Variants in CLSPN observed in about 807,000 individuals in gnomAD.
CLSPN encodes claspin homolog.
A neutral mutation model predicts 156.3 loss-of-function variants in CLSPN; 85 were observed. The ratio of observed to expected loss-of-function variants is 0.54; its 90% CI spans 0.46 to 0.65. The LOEUF (loss-of-function observed/expected upper bound fraction) is 0.65, where lower values mean the gene tolerates loss of function less well. CLSPN is among the 30% of genes least tolerant of loss of function. The pLI, the probability that CLSPN is intolerant of heterozygous loss-of-function variation, is 0.00. For synonymous variants in CLSPN, 534 were observed against 542.4 expected, an observed-to-expected ratio of 0.98 and a Z score of 0.22; for missense variants, 1,407 against 1,554.9, an observed-to-expected ratio of 0.90 and a Z score of 1.60.
At chr1:35,760,961 T>G (rs769590472) in intron 7 of CLSPN, 45 bp from the exon 8 acceptor site, 5 of 1,492,404 alleles carry the variant, frequency 3.4e-6, no homozygotes, top group Non-Finnish European at 4.6e-6. Context: ...ATCCTAAATG[T>G]GAAACATTCT....
At chr1:35,748,373 G>C in intron 13 of CLSPN, 32 bp downstream of exon 13, 1 of 1,585,768 alleles carries the variant, frequency 6.3e-7, no homozygotes, top group South Asian at 1.1e-5. Context: ...AGCAAAGAGA[G>C]GAGGAGATTA....
chr1:35,739,254 T>C lies in CLSPN; in HGVS notation c.3312A>G (p.Lys1104=), dbSNP rs756050912. 3 of 1,614,198 alleles carry C rather than the reference T, an allele frequency of 1.9e-6. No homozygotes were observed. The Admixed American group carries it at 5.0e-5, about 27-fold the overall frequency. The part of the protein sequence containing the change: ...LQSQIKKIHM[K]TMLDDDKRQL... ...GTCGCTTATCATCATCCAACATAGT[T>C]TTCCTGCAACAGGAGAAATAAGGTG... The change falls in exon 20 of 25, where the codon AAA becomes AAG. Residue 1104 remains lysine, a synonymous_variant. Coordinates refer to ENST00000318121, the MANE Select transcript of CLSPN (RefSeq NM_022111.4).
chr1:35,748,036 G>A lies in CLSPN; in HGVS notation c.2498C>T (p.Ser833Leu), dbSNP rs1453701522. ...SKSSGKLSEP[S>L]LPIEDSQDLY... ...ATCCTGGGAATCCTCTATGGGAAGTGAAGGCTCAGACAGTTTCCCTGAACT... is the reference window on the plus strand; with the variant it reads ...ATCCTGGGAATCCTCTATGGGAAGTAAAGGCTCAGACAGTTTCCCTGAACT... The change falls in exon 14 of 25, where the codon TCA becomes TTA. Residue 833 changes from serine to leucine, a missense_variant. Ser to Leu is a moderately radical substitution (Grantham distance 145). Around this residue, in one of 3 missense-constraint regions of CLSPN, gnomAD observed 1,096 missense variants for 1,193.0 expected, o/e 0.92. Transcript: ENST00000318121. 2 of 1,613,300 alleles carry A rather than the reference G, an allele frequency of 1.2e-6. No homozygotes were observed. The highest frequency in any genetic ancestry group is 2.7e-5 in the African/African-American group (2 of 74,880).
chr1:35,755,093 T>C (rs538442458), intron 8 of CLSPN, among the ~76,000 whole-genome samples: 43 of 152,170 alleles, frequency 2.8e-4, no homozygotes, highest in Non-Finnish European at 3.8e-4. Flanking sequence ...TTCTCGTCCA[T>C]GATAAAATGG....
chr1:35,734,642 T>A lies in CLSPN; in HGVS notation c.*1854A>T. 1 of 569,754 alleles carries A rather than the reference T, an allele frequency of 1.8e-6. No homozygotes were observed. The highest frequency in any genetic ancestry group is 2.2e-6 in the Non-Finnish European group (1 of 456,960). 35.3% of individuals were successfully genotyped at this position (569,754 alleles called of 1,614,324 possible). A position where few individuals can be genotyped will look rare whatever the true frequency, so the allele number is the denominator to read the frequency against. On this transcript the variant is annotated 3_prime_UTR_variant, in exon 25 of 25. Coordinates refer to ENST00000318121, the MANE Select transcript of CLSPN (RefSeq NM_022111.4). ...GCAGTAAGCCGAGATCATGCCATTG[T>A]ATTCCAGCCTAGGTGACAGAGCCAG... is the stretch of plus-strand genomic sequence containing the variant.
At chr1:35,738,355 T>C (rs975350649) in intron 21 of CLSPN, 100 bp downstream of exon 21, 10 of 1,292,116 alleles carry the variant, frequency 7.7e-6, no homozygotes, top group Non-Finnish European at 9.8e-6. Flanking sequence ...ATATGTTGCC[T>C]AAGATTTTGA....
chr1:35,752,896 A>C (rs1642141653), intron 9 of CLSPN, among the ~76,000 whole-genome samples: 1 of 152,252 alleles, frequency 6.6e-6, no homozygotes, highest in Admixed American at 6.5e-5. Flanking sequence ...ACTCCTATAA[A>C]GACATACAAG....
At chr1:35,737,818 A>G (rs1325061336) in intron 22 of CLSPN, 174 bp downstream of exon 22, 8 of 435,722 alleles carry the variant, frequency 1.8e-5, no homozygotes, top group Non-Finnish European at 2.4e-5. Flanking sequence ...CTACTGCCCA[A>G]TAGTCTAAGA....
At chr1:35,728,337 C>T (rs1179819073), downstream of CLSPN, among the ~76,000 whole-genome samples, 2 of 152,164 alleles carry the variant, frequency 1.3e-5, no homozygotes, top group Non-Finnish European at 2.9e-5. Context: ...CCACCTCAAC[C>T]TCCCAAAGTG....
intron 9 of CLSPN, among the ~76,000 whole-genome samples, chr1:35,753,316 C>G (rs959303705): frequency 6.6e-6 from 1 of 151,970 alleles, no homozygotes; most frequent in African/African-American, 2.4e-5. Flanking sequence ...GTCTCCAACT[C>G]CTGAGCTCAA....
intron 13 of CLSPN, 133 bp from the exon 14 acceptor site, chr1:35,748,194 C>T: frequency 1.9e-6 from 2 of 1,073,076 alleles, no homozygotes; most frequent in Non-Finnish European, 1.4e-6. Flanking sequence ...GGACAATACA[C>T]AGCCATGAGA....
At position 35,733,176 on chromosome 1, in the gene CLSPN, C is replaced by A. The variant is rs1641358508; in HGVS notation, c.*3320G>T. The stretch of plus-strand genomic sequence containing the variant: ...AGAGACGGGGTTTCACCTTGTTGGT[C>A]AGTCTGGTCTCCAACTCCTGACCTT... On this transcript the variant is annotated 3_prime_UTR_variant, in exon 25 of 25. Coordinates refer to ENST00000318121, the MANE Select transcript of CLSPN (RefSeq NM_022111.4). 6.6e-6 allele frequency among the ~76,000 whole-genome samples: 1 copy of A among 152,072 alleles called. No individual in the cohort carries two copies. The highest frequency in any genetic ancestry group is 1.5e-5 in the Non-Finnish European group (1 of 68,022).
downstream of CLSPN, among the ~76,000 whole-genome samples, chr1:35,729,240 C>T (rs759359059): frequency 6.6e-6 from 1 of 152,178 alleles, no homozygotes; most frequent in Non-Finnish European, 1.5e-5. Flanking sequence ...ACCCCTTGGA[C>T]TAGGCAATAA....
At chr1:35,753,714 A>T in intron 9 of CLSPN, 31 bp downstream of exon 9, 1 of 1,598,088 alleles carries the variant, frequency 6.3e-7, no homozygotes, top group Non-Finnish European at 8.5e-7. Context: ...CAAAGCAAAA[A>T]GCAAAAAACA....
At chr1:35,743,037 T>C (rs1434645934) in intron 18 of CLSPN, 104 bp downstream of exon 18, 8 of 837,400 alleles carry the variant, frequency 9.6e-6, no homozygotes, top group Admixed American at 4.0e-5. Context: ...TCCGCCTGCT[T>C]CAGCCTCCCA....
chr1:35,768,289 A>C (rs1476932011), intron 1 of CLSPN, among the ~76,000 whole-genome samples: 1 of 152,094 alleles, frequency 6.6e-6, no homozygotes, highest in East Asian at 1.9e-4. Context: ...AATCGCTTGA[A>C]TCCAGGAGAC....
At chr1:35,738,905 A>G (rs1641585346) in intron 20 of CLSPN, among the ~76,000 whole-genome samples, 1 of 150,934 alleles carries the variant, frequency 6.6e-6, no homozygotes, top group Non-Finnish European at 1.5e-5. Context: ...GGTTCACGCA[A>G]TTCTCCTGCC....
intron 24 of CLSPN, among the ~76,000 whole-genome samples, chr1:35,722,943 T>A (rs1249382420): frequency 1.3e-5 from 2 of 152,224 alleles, no homozygotes; most frequent in African/African-American, 4.8e-5. Context: ...TAGCCAGTTT[T>A]GTTAATCAAG....
chr1:35,742,123 A>C (rs542495970), intron 18 of CLSPN, among the ~76,000 whole-genome samples: 3 of 151,704 alleles, frequency 2.0e-5, no homozygotes, highest in South Asian at 4.2e-4. Context: ...TCTACAAAAA[A>C]TAGAAAGAAT....
Sources: gnomAD v4.1 joint callset for allele counts (sites outside exome capture counted in the v4.1 genomes callset) on GRCh38, gnomAD v4.1.1 for gene constraint, gnomAD v4.1.1 regional missense constraint, MANE v1.5 for transcripts, NCBI Gene and HGNC (gene_info 2026-07-23, HGNC 2026-07-21) for gene names.